Variants in TRPC4AP observed in about 807,000 individuals in gnomAD.
TRPC4AP encodes short transient receptor potential channel 4-associated protein.
Under a neutral mutation model 99.0 loss-of-function variants are expected in TRPC4AP, and 45 were observed. The ratio of observed to expected loss-of-function variants is 0.45; its 90% CI spans 0.36 to 0.58. The LOEUF (loss-of-function observed/expected upper bound fraction) is 0.58, where lower values mean the gene tolerates loss of function less well. TRPC4AP is among the 20% of genes least tolerant of loss of function. TRPC4AP has a pLI of 0.00. For synonymous variants in TRPC4AP, 408 were observed against 385.8 expected, an observed-to-expected ratio of 1.06 and a Z score of -0.67; for missense variants, 879 against 985.3, an observed-to-expected ratio of 0.89 and a Z score of 1.44.
rs2082565363 is a variant in TRPC4AP at position 35,008,688 on chromosome 20, T to C, written c.1571A>G (p.Lys524Arg). The C allele has an allele frequency of 6.2e-7, 1 of 1,613,930 alleles. No homozygotes were observed. The highest frequency in any genetic ancestry group is 1.1e-5 in the South Asian group (1 of 91,070). Reference sequence around the variant, plus strand: ...CCTGAAAGACGACTCTGCTGGCTCCTTCTTCATGACCTGCAGCAGACGAGT... The same window carrying C: ...CCTGAAAGACGACTCTGCTGGCTCCCTCTTCATGACCTGCAGCAGACGAGT... ...LLTRLLQVMK[K>R]EPAESSFRFW... Residue 524 changes from lysine (K) to arginine (R), a missense_variant, in exon 13 of 19, where the codon AAG (lysine) becomes AGG (arginine). Transcript: ENST00000252015.
At chr20:35,008,110 C>T (rs17092215) in intron 13 of TRPC4AP, among the ~76,000 whole-genome samples, 21,151 of 152,124 alleles carry the variant, frequency 0.14, 1,845 homozygotes, top group African/African-American at 0.25. Context: ...CGGGTATCCA[C>T]GACAGGGAGT....
At position 35,004,468 on chromosome 20, in the gene TRPC4AP, G is replaced by T; in HGVS notation, c.2039C>A (p.Thr680Lys). ...FRLINIIHVQ[T>K]LTQENVSCLN... The stretch of plus-strand genomic sequence containing the variant: ...GCCGGGGCCTCTCACCTGGGTCAGC[G>T]TCTGCACGTGGATGATGTTGATGAG... Residue 680 changes from threonine to lysine, a missense_variant, in exon 17 of 19, where the codon ACG (threonine) becomes AAG (lysine). Thr to Lys is a moderately conservative substitution (Grantham distance 78). Transcript: ENST00000252015. 1.2e-6 allele frequency: 2 copies of T among 1,613,478 alleles called. No individual in the cohort carries two copies. The highest frequency in any genetic ancestry group is 1.7e-6 in the Non-Finnish European group (2 of 1,179,684).
chr20:35,044,266 C>T (rs2083504818), intron 7 of TRPC4AP, among the ~76,000 whole-genome samples: 1 of 151,804 alleles, frequency 6.6e-6, no homozygotes, highest in Non-Finnish European at 1.5e-5. Context: ...TGGCACCTGC[C>T]TATAGTTCCA....
rs1254082533 is a variant in TRPC4AP at position 35,049,934 on chromosome 20, A to AT, written c.588dup (p.Leu197IlefsTer5). 6.2e-7 allele frequency: 1 copy of AT among 1,614,172 alleles called. No homozygotes were observed. Among genetic ancestry groups the AT allele is most frequent in the Non-Finnish European group, 8.5e-7 (1 of 1,180,012 alleles). ...AAGAATGTCTTCTTACTTGTCATCA[A>AT]TGTAAACAGGAAGATCACAAAGTCA... On this transcript the variant is annotated frameshift_variant, in exon 6 of 19. Transcript: ENST00000252015. LOFTEE classifies it high-confidence loss of function.
intron 1 of TRPC4AP, 81 bp from the exon 2 acceptor site, chr20:35,078,255 C>T: frequency 6.9e-7 from 1 of 1,454,728 alleles, no homozygotes; most frequent in South Asian, 1.3e-5. Context: ...CAGCCGACTT[C>T]CAAACCCACC....
chr20:35,058,684 A>ATTTT (rs1327563130), intron 3 of TRPC4AP, among the ~76,000 whole-genome samples: 1 of 107,300 alleles, frequency 9.3e-6, no homozygotes, highest in African/African-American at 3.5e-5. Flanking sequence ...TTAAAAGAAA[A>ATTTT]TTCTTTTTTT....
chr20:35,029,695 G>A (rs1421558957), intron 8 of TRPC4AP, among the ~76,000 whole-genome samples: 2 of 134,858 alleles, frequency 1.5e-5, no homozygotes. Context: ...GAGTGCAGTG[G>A]CGCGATCTCG....
At chr20:35,070,442 G>A (rs1457553787) in intron 2 of TRPC4AP, among the ~76,000 whole-genome samples, 1 of 149,942 alleles carries the variant, frequency 6.7e-6, no homozygotes, top group Admixed American at 6.7e-5. Context: ...AGGGAGTCTC[G>A]CTCTGCCACC....
At chr20:35,023,647 T>A (rs559037944) in intron 8 of TRPC4AP, among the ~76,000 whole-genome samples, 63 of 152,342 alleles carry the variant, frequency 4.1e-4, no homozygotes, top group South Asian at 2.1e-4. Flanking sequence ...AACAGTTAAG[T>A]GTCAGCTAAT....
intron 16 of TRPC4AP, 111 bp downstream of exon 16, chr20:35,005,584 G>A: frequency 9.9e-6 from 10 of 1,005,980 alleles, no homozygotes; most frequent in Non-Finnish European, 1.3e-5. Context: ...GGCCACGTGG[G>A]CATCTGGTGC....
Position 35,006,488 on chromosome 20 carries a change from A to C in TRPC4AP, c.1774T>G (p.Phe592Val). The change falls in exon 15 of 19, where the codon TTC (phenylalanine) becomes GTC (valine). Residue 592 changes from phenylalanine to valine, a missense_variant. By Grantham distance (50) the Phe-to-Val change is conservative. Around this residue, in one of 3 missense-constraint regions of TRPC4AP, gnomAD observed 224 missense variants for 264.7 expected, o/e 0.85. Coordinates refer to ENST00000252015, the MANE Select transcript of TRPC4AP (RefSeq NM_015638.3). ...YFDLLGELMK[F>V]NVDAFKRFNK... The stretch of plus-strand genomic sequence containing the variant: ...AATCTCTTGAATGCATCAACGTTGA[A>C]CTTCATCAGCTCCCCCAGGAGGTCA... The C allele has an allele frequency of 6.2e-7, 1 of 1,614,174 alleles. No homozygotes were observed. The highest frequency in any genetic ancestry group is 2.2e-5 in the East Asian group (1 of 44,892).
chr20:35,029,406 A>G (rs951831760), intron 8 of TRPC4AP, among the ~76,000 whole-genome samples: 5 of 152,292 alleles, frequency 3.3e-5, no homozygotes, highest in South Asian at 2.1e-4. Context: ...CTGATCCAAT[A>G]TAACAATCTG....
At chr20:35,092,478 G>A in intron 1 of TRPC4AP, 136 bp downstream of exon 1, 1 of 1,071,050 alleles carries the variant, frequency 9.3e-7, no homozygotes, top group African/African-American at 1.7e-5. Context: ...CGTCCGGGCA[G>A]CTCACAGGGA....
At chr20:35,062,146 T>C (rs1464833415) in intron 3 of TRPC4AP, among the ~76,000 whole-genome samples, 1 of 152,064 alleles carries the variant, frequency 6.6e-6, no homozygotes, top group Non-Finnish European at 1.5e-5. Context: ...AAAAGACAAA[T>C]AGTAACTATT....
At chr20:35,086,519 GTATA>G (rs1179723943) in intron 1 of TRPC4AP, among the ~76,000 whole-genome samples, 1 of 33,508 alleles carries the variant, frequency 3.0e-5, no homozygotes, top group Admixed American at 4.9e-4. Context: ...GTGTGTGTGT[GTATA>G]TATGTGTGTG....
intron 12 of TRPC4AP, 94 bp from the exon 13 acceptor site, chr20:35,008,841 T>C: frequency 1.7e-6 from 2 of 1,174,304 alleles, no homozygotes; most frequent in Admixed American, 2.1e-5. Context: ...TGAAAAACCA[T>C]GGGGACATTT....
intron 9 of TRPC4AP, among the ~76,000 whole-genome samples, chr20:35,018,402 C>G (rs897587036): frequency 3.3e-5 from 5 of 151,994 alleles, no homozygotes; most frequent in African/African-American, 1.2e-4. Flanking sequence ...TTCAGACCAT[C>G]CTGGCCAACA....
rs768130242 is a variant in TRPC4AP, at chr20:35,092,628, C to G, written c.154G>C (p.Val52Leu). 10 of 1,513,698 alleles carry G rather than the reference C, an allele frequency of 6.6e-6. No homozygotes were observed. In the South Asian group the frequency reaches 1.1e-4, roughly 17 times the overall value. The allele number at this position is 1,513,698 out of a possible 1,614,324, so 93.8% of individuals were successfully genotyped here. ...RQGQLTGRGLVRAVQFTETFL... is the reference protein window; with the variant it reads ...RQGQLTGRGLLRAVQFTETFL... The stretch of plus-strand genomic sequence containing the variant: ...CAGCCTCGTACCTGCACCGCCCGGA[C>G]CAGGCCCCGGCCGGTCAGCTGGCCC... Residue 52 changes from valine (V) to leucine (L), a missense_variant, in exon 1 of 19, where the codon GTC becomes CTC. Physicochemically the swap from Val to Leu is conservative, Grantham distance 32. Coordinates refer to ENST00000252015, the MANE Select transcript of TRPC4AP (RefSeq NM_015638.3).
chr20:35,060,240 A>G (rs925128088), intron 3 of TRPC4AP, among the ~76,000 whole-genome samples: 1 of 152,172 alleles, frequency 6.6e-6, no homozygotes. Flanking sequence ...TATCTCATGC[A>G]TATATACACA....
Sources: allele counts gnomAD v4.1 joint callset (sites outside exome capture counted in the v4.1 genomes callset), GRCh38; gene constraint gnomAD v4.1.1; regional missense constraint gnomAD v4.1.1; transcripts MANE v1.5; gene names NCBI Gene and HGNC (gene_info 2026-07-23, HGNC 2026-07-21).